Variants in ATG4B observed in about 807,000 individuals in gnomAD.
The protein encoded by ATG4B is autophagy related 4B cysteine peptidase, also known as cysteine protease ATG4B.
ATG4B carries 29 observed loss-of-function variants against 56.6 expected under a neutral mutation model. That is an observed-to-expected ratio of 0.51 (90% confidence interval 0.38 to 0.70). The LOEUF is 0.70. ATG4B is among the 30% of genes least tolerant of loss of function. ATG4B has a pLI of 0.00. For synonymous variants in ATG4B, 224 were observed against 206.1 expected, an observed-to-expected ratio of 1.09 and a Z score of -0.74; for missense variants, 461 against 515.5, an observed-to-expected ratio of 0.89 and a Z score of 1.02.
intron 1 of ATG4B, among the ~76,000 whole-genome samples, chr2:241,646,485 GACTT>G (rs2068063340): frequency 6.6e-6 from 1 of 152,156 alleles, no homozygotes; most frequent in South Asian, 2.1e-4. Flanking sequence ...ACCATGGTTT[GACTT>G]ACAATTTTTT....
intron 3 of ATG4B, among the ~76,000 whole-genome samples, chr2:241,652,350 C>T (rs2068250553): frequency 6.6e-6 from 1 of 152,206 alleles, no homozygotes; most frequent in Non-Finnish European, 1.5e-5. Context: ...CACAGCTACC[C>T]TGCCGCGTGC....
chr2:241,665,567 C>G (rs897374028), intron 7 of ATG4B, among the ~76,000 whole-genome samples: 3 of 152,242 alleles, frequency 2.0e-5, no homozygotes, highest in African/African-American at 7.2e-5. Flanking sequence ...TGTCTGCTTC[C>G]TCACAGTTGG....
In ATG4B at chr2:241,671,478, C is replaced by T. The variant is rs747799379; in HGVS notation, c.1108+73C>T. 3.8e-6 allele frequency: 6 copies of T among 1,576,726 alleles called. No individual in the cohort carries two copies. The Admixed American group carries it at 1.1e-4, about 29-fold the overall frequency. ...GCCCTTGCTTCCCCAGTCCTGGCCC[C>T]CTTGGTTTTGACCATTAAGGTGTGT... On this transcript the variant is annotated intron_variant, in intron 12 of 12. Coordinates refer to ENST00000404914, the MANE Select transcript of ATG4B (RefSeq NM_013325.5).
intron 1 of ATG4B, chr2:241,638,184 A>T (rs949670449): frequency 6.5e-6 from 1 of 152,848 alleles, no homozygotes; most frequent in Non-Finnish European, 1.5e-5. Context: ...TTATGAAGTT[A>T]TTGGTAGGTT....
rs1348888515 is a variant in ATG4B, at chr2:241,671,339, A to G, written c.1042A>G (p.Met348Val). 2 of 1,613,514 alleles carry G rather than the reference A, an allele frequency of 1.2e-6. No homozygotes were observed. The highest frequency in any genetic ancestry group is 8.5e-7 in the Non-Finnish European group (1 of 1,179,796). ...GTCTCTGCTTGGAGGTGCCCTGCCC[A>G]TGTTTGAGCTGGTGGAGCTGCAGCC... The part of the protein sequence containing the change: ...KLSLLGGALP[M>V]FELVELQPSH... The change falls in exon 12 of 13, where the codon ATG becomes GTG. Residue 348 changes from methionine (M) to valine (V), a missense_variant. Physicochemically the swap from Met to Val is conservative, Grantham distance 21. Coordinates refer to ENST00000404914, the MANE Select transcript of ATG4B (RefSeq NM_013325.5).
intron 8 of ATG4B, among the ~76,000 whole-genome samples, chr2:241,667,177 C>G (rs1465316920): frequency 6.6e-6 from 1 of 152,190 alleles, no homozygotes; most frequent in East Asian, 1.9e-4. Flanking sequence ...ATGCCCACCC[C>G]ACTCCCCCAC....
Position 241,666,664 on chromosome 2 carries a change from C to T in ATG4B, c.558C>T (p.Ser186=), listed in dbSNP as rs1407304715. ...MEEIRRLCRT[S]VPCAGATAFP... ...TTCTAGGAAGGTTGTGCAGGACCAG[C>T]GTTCCCTGTGCAGGCGCCACTGCGT... Residue 186 remains serine, a synonymous_variant, in exon 8 of 13, where the codon AGC becomes AGT. Transcript: ENST00000404914. 2.5e-6 allele frequency: 4 copies of T among 1,613,500 alleles called. No homozygotes were observed. The highest frequency in any genetic ancestry group is 2.5e-6 in the Non-Finnish European group (3 of 1,179,792).
At chr2:241,647,981 G>A (rs931792465) in intron 1 of ATG4B, among the ~76,000 whole-genome samples, 1 of 152,158 alleles carries the variant, frequency 6.6e-6, no homozygotes, top group Non-Finnish European at 1.5e-5. Flanking sequence ...GGGCATGGTG[G>A]CAGATGTCTG....
chr2:241,647,663 G>A (rs2068105454), intron 1 of ATG4B, among the ~76,000 whole-genome samples: 2 of 151,560 alleles, frequency 1.3e-5, no homozygotes, highest in South Asian at 4.2e-4. Flanking sequence ...TTAGACCGGT[G>A]GTGTTTTCAT....
chr2:241,665,654 G>A (rs2068738814), intron 7 of ATG4B, among the ~76,000 whole-genome samples: 1 of 152,188 alleles, frequency 6.6e-6, no homozygotes, highest in Non-Finnish European at 1.5e-5. Context: ...GCCTGCAGTG[G>A]GACACTATGT....
At chr2:241,655,455 C>A in intron 6 of ATG4B, 112 bp downstream of exon 6, 1 of 1,055,752 alleles carries the variant, frequency 9.5e-7, no homozygotes, top group Non-Finnish European at 1.4e-6. Flanking sequence ...TAATTATTTA[C>A]TTCATGGCCC....
intron 6 of ATG4B, among the ~76,000 whole-genome samples, chr2:241,655,923 A>G (rs745393085): frequency 1.8e-4 from 27 of 151,358 alleles, no homozygotes; most frequent in Non-Finnish European, 7.4e-5. Flanking sequence ...CTTCGTGTCC[A>G]CTCTTCACTC....
Position 241,668,876 on chromosome 2 carries a change from C to A in ATG4B, c.957+191C>A. ...TGCACCCTCACGTCCCTCCCCCAGG[C>A]ACCACCTCCTGTGCAGCCTTCATGG... On this transcript the variant is annotated intron_variant, in intron 10 of 12. Transcript: ENST00000404914. The surrounding 1 kb of genome is among the most constrained non-coding windows in gnomAD (Gnocchi z 4.2). The A allele has an allele frequency of 1.3e-6, 1 of 771,676 alleles. No individual in the cohort carries two copies. Among genetic ancestry groups the A allele is most frequent in the Non-Finnish European group, 2.0e-6 (1 of 492,522 alleles). 47.8% of individuals were successfully genotyped at this position (771,676 alleles called of 1,614,324 possible).
intron 1 of ATG4B, among the ~76,000 whole-genome samples, chr2:241,646,172 TGG>T (rs1202552154): frequency 6.6e-6 from 1 of 152,226 alleles, no homozygotes; most frequent in African/African-American, 2.4e-5. Context: ...CTATAAAGTT[TGG>T]TGATAAACCT....
At chr2:241,643,087 G>A (rs958496533) in intron 1 of ATG4B, among the ~76,000 whole-genome samples, 7 of 151,580 alleles carry the variant, frequency 4.6e-5, no homozygotes, top group African/African-American at 1.7e-4. Context: ...GTTTCACCAT[G>A]TTGGCCAGGC....
chr2:241,666,152 G>A (rs2068759906), intron 7 of ATG4B, among the ~76,000 whole-genome samples: 1 of 152,226 alleles, frequency 6.6e-6, no homozygotes, highest in African/African-American at 2.4e-5. Context: ...TCTAGACGCC[G>A]GGCATGCTCC....
intron 1 of ATG4B, among the ~76,000 whole-genome samples, chr2:241,642,872 C>CTTTTTTTTT: frequency 9.6e-6 from 1 of 104,254 alleles, no homozygotes; most frequent in South Asian, 3.9e-4. Flanking sequence ...CCTCTCCGTC[C>CTTTTTTTTT]TTTTTTTTTT....
intron 7 of ATG4B, among the ~76,000 whole-genome samples, chr2:241,666,247 GA>G (rs1024635287): frequency 2.0e-5 from 3 of 152,234 alleles, no homozygotes; most frequent in African/African-American, 7.2e-5. Flanking sequence ...TGTGTAGGCA[GA>G]AGGGGTGGAA....
In ATG4B at chr2:241,643,365, T is replaced by A. The variant is rs2067959774; in HGVS notation, c.10+5641T>A. ...GACTACAGATGTCCACGCCTAGCTA[T>A]TTTTTTTTTTTTTTTTTTTTTAAGA... On this transcript the variant is annotated intron_variant, in intron 1 of 12. Coordinates refer to ENST00000404914, the MANE Select transcript of ATG4B (RefSeq NM_013325.5). 8.9e-5 allele frequency among the ~76,000 whole-genome samples: 3 copies of A among 33,864 alleles called. No individual in the cohort carries two copies. The South Asian group carries it at 1.7e-3, about 19-fold the overall frequency. 22.2% of individuals were successfully genotyped at this position (33,864 alleles called of 152,430 possible).
Sources: gnomAD v4.1 joint callset for allele counts (sites outside exome capture counted in the v4.1 genomes callset) on GRCh38, gnomAD v4.1.1 for gene constraint, Gnocchi (gnomAD v3.1) non-coding constraint, MANE v1.5 for transcripts, NCBI Gene and HGNC (gene_info 2026-07-23, HGNC 2026-07-21) for gene names.